Variants in ZNF407 observed in about 807,000 individuals in gnomAD.
The protein encoded by ZNF407 is zinc finger protein 407.
ZNF407 carries 17 observed loss-of-function variants against 131.2 expected under a neutral mutation model. The ratio of observed to expected loss-of-function variants is 0.13; its 90% confidence interval spans 0.09 to 0.19. The LOEUF (loss-of-function observed/expected upper bound fraction) is 0.19. Ranked by LOEUF, ZNF407 falls within the 10% of genes least tolerant of loss-of-function variation. ZNF407 has a pLI of 1.00. For synonymous variants in ZNF407, 1,156 were observed against 1,062.0 expected (o/e 1.09, Z -1.72); for missense variants, 2,681 against 2,830.6 (o/e 0.95, Z 1.20).
chr18:74,895,333 T>A (rs1183876619), intron 7 of ZNF407, among the ~76,000 whole-genome samples: 4 of 151,884 alleles, frequency 2.6e-5, no homozygotes, highest in Non-Finnish European at 5.9e-5. Flanking sequence ...CAGTGTCTCT[T>A]TGATTTCACA....
chr18:74,615,679 ACATTT>A (rs1983255209), intron 1 of ZNF407, among the ~76,000 whole-genome samples: 1 of 152,118 alleles, frequency 6.6e-6, no homozygotes, highest in Non-Finnish European at 1.5e-5. Flanking sequence ...TCCACATATA[ACATTT>A]CTGTTTTCTG....
chr18:74,999,307 C>T (rs1972814713), intron 8 of ZNF407, among the ~76,000 whole-genome samples: 1 of 104,880 alleles, frequency 9.5e-6, no homozygotes, highest in Admixed American at 1.2e-4. Context: ...ATGTAACTAA[C>T]CTGCACAATG....
intron 8 of ZNF407, among the ~76,000 whole-genome samples, chr18:74,932,622 T>C (rs1358909799): frequency 6.6e-6 from 1 of 152,202 alleles, no homozygotes; most frequent in African/African-American, 2.4e-5. Flanking sequence ...GTAAATAAAA[T>C]GAGATCTGCA....
chr18:74,939,488 ACCT>A (rs1972073719), intron 8 of ZNF407, among the ~76,000 whole-genome samples: 1 of 152,138 alleles, frequency 6.6e-6, no homozygotes, highest in South Asian at 2.1e-4. Flanking sequence ...ATGTATAGAA[ACCT>A]CCTTTGATTT....
chr18:74,924,583 G>A (rs929710983), intron 8 of ZNF407, among the ~76,000 whole-genome samples: 6 of 151,990 alleles, frequency 3.9e-5, no homozygotes, highest in African/African-American at 1.5e-4. Flanking sequence ...AAATAAGCTT[G>A]GTACTCATTC....
chr18:74,949,009 CA>C (rs1972184752), intron 8 of ZNF407, among the ~76,000 whole-genome samples: 2 of 152,086 alleles, frequency 1.3e-5, no homozygotes, highest in Non-Finnish European at 2.9e-5. Flanking sequence ...GTGGAAAAAT[CA>C]AGGAAGTCTA....
chr18:74,784,719 A>G lies in ZNF407; in HGVS notation c.4877+3217A>G, dbSNP rs1969671818. On this transcript the variant is annotated intron_variant, in intron 4 of 8. Coordinates refer to ENST00000299687, the MANE Select transcript of ZNF407 (RefSeq NM_017757.3). ...GCAAGTTCATTTGAAAGTATTCGCT[A>G]TTTTAAATGAGTAATTCTCTTTGTG... is the stretch of plus-strand genomic sequence containing the variant. 1.3e-5 allele frequency among the ~76,000 whole-genome samples: 2 copies of G among 152,250 alleles called. 1 individual carries two copies. The highest frequency in any genetic ancestry group is 4.1e-4 in the South Asian group (2 of 4,832).
chr18:74,704,754 A>G (rs1381853053), intron 3 of ZNF407, among the ~76,000 whole-genome samples: 1 of 152,202 alleles, frequency 6.6e-6, no homozygotes, highest in Non-Finnish European at 1.5e-5. Context: ...CATTAGAAAC[A>G]CTTAGTGTTT....
chr18:74,706,413 G>A (rs768584556), intron 3 of ZNF407, among the ~76,000 whole-genome samples: 2 of 152,176 alleles, frequency 1.3e-5, no homozygotes, highest in Non-Finnish European at 2.9e-5. Context: ...AAATCCTGGT[G>A]GGTGGGATGA....
chr18:74,706,886 T>C (rs1424162433), intron 3 of ZNF407, among the ~76,000 whole-genome samples: 1 of 152,020 alleles, frequency 6.6e-6, no homozygotes, highest in Admixed American at 6.6e-5. Context: ...TCTTATGCAC[T>C]TTATGGCTTT....
At chr18:74,884,267 T>C (rs1413558579) in intron 6 of ZNF407, among the ~76,000 whole-genome samples, 1 of 152,218 alleles carries the variant, frequency 6.6e-6, no homozygotes, top group Non-Finnish European at 1.5e-5. Context: ...TGTCTGCATA[T>C]TGAGACTAAC....
Position 74,717,651 on chromosome 18 carries a change from C to T in ZNF407, c.4803-63777C>T, listed in dbSNP as rs113088192. Reference sequence around the variant, plus strand: ...TAAGGCTTAAAACAAACAAACAAAACACCACCCAAACTAGAAACTTTAAAA... The same window carrying T: ...TAAGGCTTAAAACAAACAAACAAAATACCACCCAAACTAGAAACTTTAAAA... On this transcript the variant is annotated intron_variant, in intron 3 of 8. Transcript: ENST00000299687. Among the ~76,000 whole-genome samples the T allele has an allele frequency of 2.1e-3, 318 of 152,250 alleles. 2 individuals carry two copies. Among genetic ancestry groups the T allele is most frequent in the African/African-American group, 7.2e-3 (299 of 41,554 alleles).
chr18:75,052,213 A>G (rs7241671), intron 8 of ZNF407, among the ~76,000 whole-genome samples: 20,771 of 152,230 alleles, frequency 0.14, 1,457 homozygotes, highest in South Asian at 0.21. Flanking sequence ...GTTACATTTG[A>G]TTAAGCATAT....
intron 3 of ZNF407, among the ~76,000 whole-genome samples, chr18:74,726,218 T>C (rs770652561): frequency 2.0e-5 from 3 of 152,198 alleles, no homozygotes; most frequent in Non-Finnish European, 4.4e-5. Context: ...CTTAGATGTA[T>C]GTAGACTGCC....
At chr18:74,609,266 G>A (rs1439840053) in intron 1 of ZNF407, among the ~76,000 whole-genome samples, 1 of 152,100 alleles carries the variant, frequency 6.6e-6, no homozygotes, top group African/African-American at 2.4e-5. Context: ...GTGCAGGGGG[G>A]ATACATTCTT....
At chr18:74,895,271 A>T (rs944937961) in intron 7 of ZNF407, among the ~76,000 whole-genome samples, 12 of 151,378 alleles carry the variant, frequency 7.9e-5, no homozygotes, top group African/African-American at 2.9e-4. Context: ...TAATATTGTA[A>T]CTCAGATAGT....
In ZNF407 at chr18:75,063,080, A is replaced by G; in HGVS notation, c.5429-70A>G. ...TCTGCTGAGGCCTGAGCGCTTCTGCAGAAGAAGTGTCTTACTTGTAAGCCT... is the reference window on the plus strand; with the variant it reads ...TCTGCTGAGGCCTGAGCGCTTCTGCGGAAGAAGTGTCTTACTTGTAAGCCT... On this transcript the variant is annotated intron_variant, in intron 8 of 8. Transcript: ENST00000299687. This position sits in a 1 kb window ranked among gnomAD's most constrained non-coding sequence, Gnocchi z 6.6. The G allele has an allele frequency of 2.8e-6, 4 of 1,418,466 alleles. No homozygotes were observed. Among genetic ancestry groups the G allele is most frequent in the Non-Finnish European group, 3.8e-6 (4 of 1,044,552 alleles). 87.9% of individuals were successfully genotyped at this position (1,418,466 alleles called of 1,614,324 possible). A position where few individuals can be genotyped will look rare whatever the true frequency, so the allele number is the denominator to read the frequency against.
At chr18:74,614,847 A>G (rs1038660083) in intron 1 of ZNF407, among the ~76,000 whole-genome samples, 4 of 152,230 alleles carry the variant, frequency 2.6e-5, no homozygotes, top group African/African-American at 9.6e-5. Flanking sequence ...AAAGGCTAAA[A>G]GCCTTCATGA....
chr18:74,719,649 C>T (rs558222085), intron 3 of ZNF407, among the ~76,000 whole-genome samples: 2 of 152,164 alleles, frequency 1.3e-5, no homozygotes, highest in African/African-American at 4.8e-5. Context: ...GTGATCCTCC[C>T]GCCTCAGCCT....
Sources: allele counts gnomAD v4.1 joint callset (sites outside exome capture counted in the v4.1 genomes callset), GRCh38; gene constraint gnomAD v4.1.1; non-coding constraint Gnocchi (gnomAD v3.1); transcripts MANE v1.5; gene names NCBI Gene and HGNC (gene_info 2026-07-23, HGNC 2026-07-21).